Variants in SMOC2 observed in about 807,000 individuals in gnomAD.
SMOC2 encodes the protein SPARC-related modular calcium-binding protein 2.
Under a neutral mutation model 61.4 loss-of-function variants are expected in SMOC2, and 39 were observed. The observed-to-expected ratio is 0.64, with a 90% confidence interval of 0.49 to 0.83. SMOC2 has a LOEUF of 0.83. Ranked by LOEUF, SMOC2 falls within the 40% of genes least tolerant of loss-of-function variation. The pLI, the probability that SMOC2 is intolerant of heterozygous loss-of-function variation, is 0.00. For missense variants in SMOC2, 556 were observed against 592.9 expected, an observed-to-expected ratio of 0.94 and a Z score of 0.65; for synonymous variants, 247 against 239.9, an observed-to-expected ratio of 1.03 and a Z score of -0.27.
intron 11 of SMOC2, among the ~76,000 whole-genome samples, chr6:168,661,421 G>T (rs1315114144): frequency 5.3e-5 from 8 of 152,096 alleles, no homozygotes; most frequent in Non-Finnish European, 7.3e-5. Context: ...GGCCAACATG[G>T]TGAAACCCCG....
intron 7 of SMOC2, among the ~76,000 whole-genome samples, chr6:168,583,002 A>G (rs1294380012): frequency 6.6e-6 from 1 of 151,380 alleles, no homozygotes; most frequent in African/African-American, 2.4e-5. Flanking sequence ...GGCCTCCGTC[A>G]CCTTCACAGA....
At chr6:168,511,777 T>A (rs1783013709) in intron 2 of SMOC2, among the ~76,000 whole-genome samples, 1 of 150,354 alleles carries the variant, frequency 6.7e-6, no homozygotes, top group Non-Finnish European at 1.5e-5. Context: ...CACCTGTGGC[T>A]TTGCCCATGA....
intron 7 of SMOC2, among the ~76,000 whole-genome samples, chr6:168,578,812 T>A (rs1425459625): frequency 2.6e-5 from 4 of 152,238 alleles, no homozygotes; most frequent in Non-Finnish European, 5.9e-5. Flanking sequence ...GTTTGGGGCA[T>A]GACAGTCCAG....
At chr6:168,512,785 C>A (rs1476731253) in intron 2 of SMOC2, among the ~76,000 whole-genome samples, 1 of 152,114 alleles carries the variant, frequency 6.6e-6, no homozygotes, top group Non-Finnish European at 1.5e-5. Context: ...CTTTCTATGG[C>A]CTGAGGGAGT....
At chr6:168,574,669 G>A (rs1023572870) in intron 7 of SMOC2, among the ~76,000 whole-genome samples, 1 of 151,998 alleles carries the variant, frequency 6.6e-6, no homozygotes, top group Non-Finnish European at 1.5e-5. Context: ...GTGTGTGTAG[G>A]GGGTCCGGTG....
At chr6:168,655,308 G>A in intron 11 of SMOC2, 1 of 432,706 alleles carries the variant, frequency 2.3e-6, no homozygotes, top group Admixed American at 2.5e-5. Context: ...TCATTGCTGT[G>A]GCCCAGACCA....
At chr6:168,643,840 G>C (rs1320070005) in intron 9 of SMOC2, among the ~76,000 whole-genome samples, 2 of 152,170 alleles carry the variant, frequency 1.3e-5, no homozygotes, top group African/African-American at 4.8e-5. Context: ...AGGCAGTCAC[G>C]AGGCCACAGT....
chr6:168,470,602 A>G (rs1459654265), intron 1 of SMOC2, among the ~76,000 whole-genome samples: 1 of 152,134 alleles, frequency 6.6e-6, no homozygotes, highest in East Asian at 1.9e-4. Context: ...ACTTGAACCC[A>G]GGAGGCTGAG....
intron 8 of SMOC2, among the ~76,000 whole-genome samples, chr6:168,601,138 T>C (rs2115191069): frequency 6.6e-6 from 1 of 152,372 alleles, no homozygotes; most frequent in East Asian, 1.9e-4. Context: ...TGTCACCAAG[T>C]GTCACCAGTA....
chr6:168,522,376 C>T (rs952913152), intron 2 of SMOC2, among the ~76,000 whole-genome samples: 5 of 152,102 alleles, frequency 3.3e-5, no homozygotes, highest in Non-Finnish European at 5.9e-5. Context: ...TGAAAACAGG[C>T]GTTCAAACAA....
At chr6:168,630,232 G>C (rs774706234) in intron 9 of SMOC2, among the ~76,000 whole-genome samples, 1 of 152,236 alleles carries the variant, frequency 6.6e-6, no homozygotes, top group Non-Finnish European at 1.5e-5. Flanking sequence ...AGCCTGTCCT[G>C]TTGCGGGAAG....
At chr6:168,583,326 A>G (rs987712348) in intron 7 of SMOC2, among the ~76,000 whole-genome samples, 6 of 148,828 alleles carry the variant, frequency 4.0e-5, no homozygotes, top group African/African-American at 1.5e-4. Flanking sequence ...CCCGGCTCCA[A>G]TGGGCTCAGC....
chr6:168,548,997 T>G, intron 6 of SMOC2, 132 bp from the exon 7 acceptor site: 2 of 682,836 alleles, frequency 2.9e-6, no homozygotes, highest in East Asian at 5.3e-5. Context: ...TGTAACTATT[T>G]CTTTACAAAT....
intron 9 of SMOC2, among the ~76,000 whole-genome samples, chr6:168,615,713 A>C (rs942393935): frequency 4.8e-5 from 6 of 125,970 alleles, no homozygotes; most frequent in African/African-American, 1.8e-4. Flanking sequence ...ACCTACAGCC[A>C]GCACAGGGGG....
intron 1 of SMOC2, among the ~76,000 whole-genome samples, chr6:168,463,163 C>G (rs558581826): frequency 6.6e-6 from 1 of 152,300 alleles, no homozygotes; most frequent in African/African-American, 2.4e-5. Context: ...ACTTCAAATG[C>G]ACTGAACAAA....
chr6:168,547,219 G>A (rs755441297), intron 6 of SMOC2, 50 bp downstream of exon 6: 149 of 1,530,100 alleles, frequency 9.7e-5, no homozygotes, highest in Non-Finnish European at 1.2e-4. Context: ...GAGTGCGAGG[G>A]ACGGTATGGA....
intron 9 of SMOC2, among the ~76,000 whole-genome samples, chr6:168,631,589 A>C (rs1786571157): frequency 6.6e-6 from 1 of 152,224 alleles, no homozygotes; most frequent in South Asian, 2.1e-4. Flanking sequence ...TAAAACTAAC[A>C]GTACGTGCTT....
At chr6:168,525,053 G>A (rs1485042501) in intron 2 of SMOC2, among the ~76,000 whole-genome samples, 1 of 152,258 alleles carries the variant, frequency 6.6e-6, no homozygotes, top group Non-Finnish European at 1.5e-5. Context: ...AGTCCTTGGA[G>A]TCGAGACGGC....
intron 8 of SMOC2, among the ~76,000 whole-genome samples, chr6:168,601,894 A>G (rs546076773): frequency 2.2e-4 from 34 of 152,370 alleles, no homozygotes; most frequent in Admixed American, 2.0e-3. Context: ...CATGGCAGAA[A>G]GAAAAGTCTC....
Sources: gnomAD v4.1 joint callset for allele counts (sites outside exome capture counted in the v4.1 genomes callset) on GRCh38, gnomAD v4.1.1 for gene constraint, MANE v1.5 for transcripts, NCBI Gene and HGNC (gene_info 2026-07-23, HGNC 2026-07-21) for gene names.